Variants in C3orf70 observed in about 807,000 individuals in gnomAD.
C3orf70 encodes UPF0524 protein C3orf70.
In C3orf70, 15 loss-of-function variants were observed where a neutral mutation model predicts 20.7. That is an observed-to-expected ratio of 0.72 (90% CI 0.48 to 1.11). The LOEUF (loss-of-function observed/expected upper bound fraction) is 1.11. C3orf70 is among the 50% of genes most tolerant of loss of function. The probability of loss-of-function intolerance (pLI) is 0.00; values close to 1 mark genes in which losing one functional copy is unlikely to be tolerated. For synonymous variants in C3orf70, 161 were observed against 125.7 expected, an observed-to-expected ratio of 1.28 and a Z score of -1.88; for missense variants, 332 against 317.6, an observed-to-expected ratio of 1.05 and a Z score of -0.34.
intron 1 of C3orf70, among the ~76,000 whole-genome samples, chr3:185,100,969 C>T (rs990817776): frequency 1.1e-4 from 16 of 151,936 alleles, no homozygotes; most frequent in African/African-American, 3.1e-4. Context: ...CACATCCTCC[C>T]GAGACTGAGC....
intron 1 of C3orf70, among the ~76,000 whole-genome samples, chr3:185,140,654 T>TA (rs1440104909): frequency 6.6e-6 from 1 of 151,534 alleles, no homozygotes; most frequent in African/African-American, 2.4e-5. Context: ...AGGGCCCTTA[T>TA]AAAAAAGACG....
intron 1 of C3orf70, among the ~76,000 whole-genome samples, chr3:185,137,799 A>G (rs1561364814): frequency 6.6e-6 from 1 of 152,214 alleles, no homozygotes; most frequent in East Asian, 1.9e-4. Context: ...AAAGAATAAA[A>G]GCCTCAAATC....
intron 1 of C3orf70, among the ~76,000 whole-genome samples, chr3:185,139,682 C>T (rs1460125483): frequency 6.6e-6 from 1 of 151,882 alleles, no homozygotes; most frequent in African/African-American, 2.4e-5. Context: ...CAGAAATAGA[C>T]CCACACAATA....
Position 185,083,003 on chromosome 3 carries a change from ACT to A in C3orf70, c.*2_*3del. On this transcript the variant is annotated 3_prime_UTR_variant, in exon 2 of 2. Transcript: ENST00000335012. ...TCCGAGGCTGTGGCTTCCTGTCTGG[ACT>A]CTCACACAGTCGTTTCTATCGTTTC... The A allele has an allele frequency of 1.2e-6, 2 of 1,610,304 alleles. No homozygotes were observed. The highest frequency in any genetic ancestry group is 1.7e-6 in the Non-Finnish European group (2 of 1,177,854).
chr3:185,111,755 T>G (rs1457536964), intron 1 of C3orf70, among the ~76,000 whole-genome samples: 1 of 152,174 alleles, frequency 6.6e-6, no homozygotes, highest in Non-Finnish European at 1.5e-5. Flanking sequence ...GAGAGGGTTC[T>G]CTTCTATCTA....
At chr3:185,100,718 T>G (rs1715803757) in intron 1 of C3orf70, among the ~76,000 whole-genome samples, 1 of 151,544 alleles carries the variant, frequency 6.6e-6, no homozygotes, top group Non-Finnish European at 1.5e-5. Flanking sequence ...GCTTTAGACA[T>G]GAAAAACCAT....
intron 1 of C3orf70, among the ~76,000 whole-genome samples, chr3:185,144,129 G>A (rs1716810361): frequency 6.6e-6 from 1 of 151,976 alleles, no homozygotes; most frequent in South Asian, 2.1e-4. Context: ...GTGTTTAATT[G>A]AACAAATCAG....
At chr3:185,099,945 CAG>C (rs1312577530) in intron 1 of C3orf70, among the ~76,000 whole-genome samples, 2 of 151,962 alleles carry the variant, frequency 1.3e-5, no homozygotes, top group African/African-American at 4.8e-5. Flanking sequence ...TCAACCAACA[CAG>C]ATTTTTAAAA....
At chr3:185,091,940 TATATATATATATATATATATA>T (rs1715590896) in intron 1 of C3orf70, among the ~76,000 whole-genome samples, 1 of 4,850 alleles carries the variant, frequency 2.1e-4, no homozygotes, top group African/African-American at 9.0e-4. Flanking sequence ...TATATATATA[TATATATATATATATATATATA>T]TATTTTTTTT....
rs1456030411 is a variant in C3orf70, at chr3:185,078,787, G to A, written c.*4220C>T. ...CAAACAAGATGTGGGAATATTAAGA[G>A]CTGACTGTAGAAATATTTTAACTTG... On this transcript the variant is annotated 3_prime_UTR_variant, in exon 2 of 2. Coordinates refer to ENST00000335012, the MANE Select transcript of C3orf70 (RefSeq NM_001025266.3). 2 of 152,198 alleles carry A rather than the reference G, an allele frequency of 1.3e-5. No individual in the cohort carries two copies. The highest frequency in any genetic ancestry group is 3.8e-4 in the East Asian group (2 of 5,204). The allele number at this position is 152,198 out of a possible 1,614,324, so 9.4% of individuals were successfully genotyped here.
At chr3:185,114,521 C>T (rs533029660) in intron 1 of C3orf70, among the ~76,000 whole-genome samples, 1 of 151,946 alleles carries the variant, frequency 6.6e-6, no homozygotes, top group African/African-American at 2.4e-5. Flanking sequence ...TTAAAGATTC[C>T]CCATCAGAAA....
Position 185,150,674 on chromosome 3 carries a change from T to C in C3orf70, c.196+1954A>G, listed in dbSNP as rs142437661. ...TGCAGCAATAGCAGTATCTCGAACA[T>C]GGGAGGTAGTGGTCTTGTTCAACTC... On this transcript the variant is annotated intron_variant, in intron 1 of 1. Transcript: ENST00000335012. 5.6e-4 allele frequency among the ~76,000 whole-genome samples: 86 copies of C among 152,244 alleles called. 1 individual carries two copies. The highest frequency in any genetic ancestry group is 1.9e-3 in the African/African-American group (79 of 41,548).
At chr3:185,108,360 T>C (rs1361527145) in intron 1 of C3orf70, among the ~76,000 whole-genome samples, 1 of 152,230 alleles carries the variant, frequency 6.6e-6, no homozygotes, top group African/African-American at 2.4e-5. Context: ...GCTTTTGATA[T>C]GCCTATTAAT....
intron 1 of C3orf70, among the ~76,000 whole-genome samples, chr3:185,113,710 T>C (rs1187480461): frequency 1.3e-5 from 2 of 152,106 alleles, no homozygotes; most frequent in African/African-American, 4.8e-5. Context: ...GAATATAAAA[T>C]AGTAAATAAG....
chr3:185,114,004 AG>A (rs1716127980), intron 1 of C3orf70, among the ~76,000 whole-genome samples: 1 of 152,180 alleles, frequency 6.6e-6, no homozygotes, highest in Non-Finnish European at 1.5e-5. Context: ...GTTTCAGAAC[AG>A]CCTGACCAAC....
At chr3:185,098,483 A>G (rs1715755364) in intron 1 of C3orf70, among the ~76,000 whole-genome samples, 1 of 152,238 alleles carries the variant, frequency 6.6e-6, no homozygotes, top group African/African-American at 2.4e-5. Flanking sequence ...GCACATTTCA[A>G]ACAAGTAGGT....
At chr3:185,128,949 T>C (rs1185297092) in intron 1 of C3orf70, among the ~76,000 whole-genome samples, 1 of 152,232 alleles carries the variant, frequency 6.6e-6, no homozygotes, top group African/African-American at 2.4e-5. Context: ...AGTTTAATCA[T>C]TAATAACAAA....
At chr3:185,146,160 A>G (rs908376801) in intron 1 of C3orf70, among the ~76,000 whole-genome samples, 2 of 152,120 alleles carry the variant, frequency 1.3e-5, no homozygotes, top group Non-Finnish European at 2.9e-5. Context: ...AGAACCTATC[A>G]GCGTTCTCTA....
At chr3:185,105,956 G>C (rs1430810426) in intron 1 of C3orf70, among the ~76,000 whole-genome samples, 1 of 152,122 alleles carries the variant, frequency 6.6e-6, no homozygotes, top group Non-Finnish European at 1.5e-5. Flanking sequence ...TAACAGAAGA[G>C]GTTACAGAGC....
Sources: gnomAD v4.1 joint callset for allele counts (sites outside exome capture counted in the v4.1 genomes callset) on GRCh38, gnomAD v4.1.1 for gene constraint, MANE v1.5 for transcripts, NCBI Gene and HGNC (gene_info 2026-07-23, HGNC 2026-07-21) for gene names.